The following HCN1 variants were observed in gnomAD, a reference collection of about 807,000 sequenced individuals.
The protein encoded by HCN1 is hyperpolarization activated cyclic nucleotide gated potassium channel 1, also known as potassium/sodium hyperpolarization-activated cyclic nucleotide-gated channel 1.
A neutral mutation model predicts 78.9 loss-of-function variants in HCN1; 13 were observed. The observed-to-expected ratio is 0.16, with a 90% confidence interval of 0.11 to 0.26. HCN1 has a LOEUF of 0.26. Among genes scored for constraint, HCN1 ranks in the 10% least tolerant of loss-of-function variants. The pLI, the probability that HCN1 is intolerant of heterozygous loss-of-function variation, is 1.00. For synonymous variants in HCN1, 552 were observed against 455.5 expected (o/e 1.21, Z -2.70); for missense variants, 810 against 1,154.3 (o/e 0.70, Z 4.32).
chr5:45,415,647 T>A (rs1740103876), intron 3 of HCN1, among the ~76,000 whole-genome samples: 1 of 152,046 alleles, frequency 6.6e-6, no homozygotes, highest in Non-Finnish European at 1.5e-5. Flanking sequence ...TTTGTAAGTT[T>A]CTCAAAGATC....
chr5:45,348,523 C>G (rs932516101), intron 5 of HCN1, among the ~76,000 whole-genome samples: 1 of 152,144 alleles, frequency 6.6e-6, no homozygotes, highest in African/African-American at 2.4e-5. Context: ...ACGATATTAA[C>G]TTTAAATGTA....
chr5:45,679,924 C>T (rs1404163375), intron 1 of HCN1, among the ~76,000 whole-genome samples: 1 of 151,968 alleles, frequency 6.6e-6, no homozygotes, highest in Non-Finnish European at 1.5e-5. Flanking sequence ...ATAATTAGGG[C>T]TGAATACACT....
intron 4 of HCN1, among the ~76,000 whole-genome samples, chr5:45,354,920 G>A (rs974394893): frequency 1.3e-5 from 2 of 151,930 alleles, no homozygotes; most frequent in African/African-American, 4.8e-5. Flanking sequence ...TCATTTTTGG[G>A]AAATTAGTGC....
At chr5:45,404,616 G>T (rs1403999913) in intron 3 of HCN1, among the ~76,000 whole-genome samples, 4 of 135,186 alleles carry the variant, frequency 3.0e-5, no homozygotes, top group Non-Finnish European at 6.1e-5. Flanking sequence ...CTTTCTATAG[G>T]CTTGAATGAA....
At chr5:45,478,927 G>C (rs1232443193) in intron 2 of HCN1, among the ~76,000 whole-genome samples, 1 of 152,040 alleles carries the variant, frequency 6.6e-6, no homozygotes, top group Non-Finnish European at 1.5e-5. Context: ...TTCAAGACCA[G>C]CCTGGCCAAC....
intron 4 of HCN1, among the ~76,000 whole-genome samples, chr5:45,377,377 A>C (rs1393932755): frequency 6.6e-6 from 1 of 152,036 alleles, no homozygotes; most frequent in Non-Finnish European, 1.5e-5. Context: ...TGCATTTGTT[A>C]AATATTAATA....
Position 45,696,030 on chromosome 5 carries a change from G to A in HCN1, c.64C>T (p.Pro22Ser). The A allele has an allele frequency of 7.5e-7, 1 of 1,335,408 alleles. No homozygotes were observed. The highest frequency in any genetic ancestry group is 9.7e-7 in the Non-Finnish European group (1 of 1,033,686). 82.7% of individuals were successfully genotyped at this position (1,335,408 alleles called of 1,614,324 possible). ...NSRDDGNSVFPAKASATGAGP... is the reference protein window; with the variant it reads ...NSRDDGNSVFSAKASATGAGP... ...GCGCCCGTCGCGGACGCCTTGGCGG[G>A]GAAGACGCTGTTGCCATCGTCCCGG... Residue 22 changes from proline (P) to serine (S), a missense_variant, in exon 1 of 8, where the codon CCC (proline) becomes TCC (serine). Around this residue, in one of 6 missense-constraint regions of HCN1, gnomAD observed 170 missense variants for 166.8 expected, o/e 1.02. Coordinates refer to ENST00000303230, the MANE Select transcript of HCN1 (RefSeq NM_021072.4).
Position 45,290,621 on chromosome 5 carries a change from T to G in HCN1, c.1618+12978A>C, listed in dbSNP as rs186379271. Among the ~76,000 whole-genome samples, 105 of 152,146 alleles carry G rather than the reference T, an allele frequency of 6.9e-4. 1 individual carries two copies. The East Asian group carries it at 0.012, about 18-fold the overall frequency. On this transcript the variant is annotated intron_variant, in intron 6 of 7. Coordinates refer to ENST00000303230, the MANE Select transcript of HCN1 (RefSeq NM_021072.4). Reference sequence around the variant, plus strand: ...AAAGTTTGGGATTAGTTAATTTAATTTTATAAAACTTATTCAATTAAAGGT... The same window carrying G: ...AAAGTTTGGGATTAGTTAATTTAATGTTATAAAACTTATTCAATTAAAGGT...
chr5:45,558,339 T>C (rs1743518763), intron 2 of HCN1: 1 of 151,796 alleles, frequency 6.6e-6, no homozygotes, highest in African/African-American at 2.4e-5. Context: ...TTAGCAGAGG[T>C]TGGTTTGTGA....
intron 5 of HCN1, among the ~76,000 whole-genome samples, chr5:45,318,430 G>A (rs977841284): frequency 6.6e-6 from 1 of 152,054 alleles, no homozygotes; most frequent in Non-Finnish European, 1.5e-5. Flanking sequence ...GGGGGAGGGA[G>A]GAAGGATAGC....
chr5:45,429,398 C>A (rs1256060836), intron 3 of HCN1, among the ~76,000 whole-genome samples: 1 of 152,054 alleles, frequency 6.6e-6, no homozygotes, highest in Non-Finnish European at 1.5e-5. Flanking sequence ...CAATATATAT[C>A]CCTTACTCAC....
intron 1 of HCN1, among the ~76,000 whole-genome samples, chr5:45,678,449 T>G (rs1045064297): frequency 6.6e-6 from 1 of 151,920 alleles, no homozygotes; most frequent in Non-Finnish European, 1.5e-5. Context: ...ATACATAACA[T>G]TTATATAGTG....
At chr5:45,632,121 A>G (rs1218431806) in intron 2 of HCN1, among the ~76,000 whole-genome samples, 1 of 152,058 alleles carries the variant, frequency 6.6e-6, no homozygotes, top group African/African-American at 2.4e-5. Flanking sequence ...TGATATAGCA[A>G]TTAATAAAAA....
chr5:45,604,387 A>T (rs1744684255), intron 2 of HCN1, among the ~76,000 whole-genome samples: 1 of 151,716 alleles, frequency 6.6e-6, no homozygotes, highest in Non-Finnish European at 1.5e-5. Flanking sequence ...TCTGCTTGTA[A>T]TGCCATTATT....
intron 2 of HCN1, among the ~76,000 whole-genome samples, chr5:45,599,749 T>C (rs1460611398): frequency 1.3e-5 from 2 of 152,138 alleles, no homozygotes; most frequent in South Asian, 2.1e-4. Flanking sequence ...ATGTTTGCCA[T>C]GGATAAGTGG....
chr5:45,637,731 T>C (rs1048716102), intron 2 of HCN1, among the ~76,000 whole-genome samples: 2 of 152,044 alleles, frequency 1.3e-5, no homozygotes, highest in East Asian at 1.9e-4. Flanking sequence ...ACATGAAACA[T>C]AGGATTTGAA....
chr5:45,495,108 T>C, intron 2 of HCN1, among the ~76,000 whole-genome samples: 1 of 139,260 alleles, frequency 7.2e-6, no homozygotes, highest in Admixed American at 7.5e-5. Context: ...CATATGAACT[T>C]TAAAGTAGTT....
At chr5:45,263,027 C>T (rs754562802) in intron 7 of HCN1, among the ~76,000 whole-genome samples, 22 of 152,068 alleles carry the variant, frequency 1.4e-4, no homozygotes, top group Non-Finnish European at 2.8e-4. Context: ...TCAAGTTGAA[C>T]GGCCTGTAAT....
At chr5:45,417,751 CAAAAAAAA>C (rs1212611466) in intron 3 of HCN1, among the ~76,000 whole-genome samples, 1 of 14,796 alleles carries the variant, frequency 6.8e-5, no homozygotes, top group African/African-American at 1.9e-4. Context: ...TGTAGAGAGA[CAAAAAAAA>C]AAAAAAAAAA....
Sources: allele counts gnomAD v4.1 joint callset (sites outside exome capture counted in the v4.1 genomes callset), GRCh38; gene constraint gnomAD v4.1.1; regional missense constraint gnomAD v4.1.1; transcripts MANE v1.5; gene names NCBI Gene and HGNC (gene_info 2026-07-23, HGNC 2026-07-21).